Variants in MAD1L1 observed in about 807,000 individuals in gnomAD.
MAD1L1 encodes the protein mitotic spindle assembly checkpoint protein MAD1.
In MAD1L1, 95 loss-of-function variants were observed where a neutral mutation model predicts 96.9. The observed-to-expected ratio is 0.98, with a 90% CI of 0.83 to 1.16. MAD1L1 has a LOEUF of 1.16. Ranked by LOEUF, MAD1L1 falls within the 50% of genes most tolerant of loss-of-function variation. The probability of loss-of-function intolerance (pLI) is 0.00; values close to 1 mark genes in which losing one functional copy is unlikely to be tolerated. For synonymous variants in MAD1L1, 473 were observed against 396.6 expected, an observed-to-expected ratio of 1.19 and a Z score of -2.29; for missense variants, 1,007 against 954.4, an observed-to-expected ratio of 1.06 and a Z score of -0.73.
At chr7:2,153,932 T>C (rs1464854266) in intron 10 of MAD1L1, among the ~76,000 whole-genome samples, 1 of 151,864 alleles carries the variant, frequency 6.6e-6, no homozygotes, top group Non-Finnish European at 1.5e-5. Flanking sequence ...CCGAGGCAGG[T>C]GGATCAGGAG....
At chr7:1,906,635 TCATGC>T (rs1457782115) in intron 17 of MAD1L1, among the ~76,000 whole-genome samples, 1 of 152,236 alleles carries the variant, frequency 6.6e-6, no homozygotes, top group Non-Finnish European at 1.5e-5. Flanking sequence ...CAACTGGGCC[TCATGC>T]TGTTTCCCTG....
At chr7:1,836,418 T>C (rs1782940244) in intron 18 of MAD1L1, among the ~76,000 whole-genome samples, 1 of 152,178 alleles carries the variant, frequency 6.6e-6, no homozygotes. Flanking sequence ...GTGACTTGCA[T>C]CTTGTGCGGA....
At chr7:1,892,880 G>A (rs553834466) in intron 18 of MAD1L1, among the ~76,000 whole-genome samples, 1 of 152,284 alleles carries the variant, frequency 6.6e-6, no homozygotes, top group Admixed American at 6.5e-5. Flanking sequence ...TTTGCTCTGT[G>A]TCCCCGGCCT....
intron 3 of MAD1L1, among the ~76,000 whole-genome samples, chr7:2,226,073 C>G (rs1171149699): frequency 6.6e-6 from 1 of 152,216 alleles, no homozygotes; most frequent in East Asian, 1.9e-4. Flanking sequence ...TCTCCCTCAT[C>G]AAATCCCTCT....
chr7:1,981,577 G>A (rs1216117037), intron 14 of MAD1L1, among the ~76,000 whole-genome samples: 1 of 152,112 alleles, frequency 6.6e-6, no homozygotes, highest in Non-Finnish European at 1.5e-5. Context: ...GTTCCCACCA[G>A]TCCTGACCCA....
intron 11 of MAD1L1, among the ~76,000 whole-genome samples, chr7:2,081,188 A>G (rs1451687423): frequency 6.8e-6 from 1 of 146,992 alleles, no homozygotes; most frequent in Non-Finnish European, 1.5e-5. Flanking sequence ...TGGACAGACA[A>G]GCTGGGCCGG....
intron 16 of MAD1L1, among the ~76,000 whole-genome samples, chr7:1,943,640 G>A (rs1215461840): frequency 6.6e-6 from 1 of 152,110 alleles, no homozygotes; most frequent in Non-Finnish European, 1.5e-5. Context: ...GGATAAACTG[G>A]AACCCTGGTG....
At chr7:2,198,078 T>A (rs1318697306) in intron 10 of MAD1L1, among the ~76,000 whole-genome samples, 1 of 150,706 alleles carries the variant, frequency 6.6e-6, no homozygotes, top group African/African-American at 2.4e-5. Context: ...CCACCATGAG[T>A]TTGGGTTTTT....
chr7:2,016,282 G>A (rs975193545), intron 12 of MAD1L1, among the ~76,000 whole-genome samples: 18 of 152,188 alleles, frequency 1.2e-4, no homozygotes, highest in African/African-American at 3.9e-4. Flanking sequence ...TTGAGTTGTG[G>A]CCAGCGTGCT....
intron 10 of MAD1L1, among the ~76,000 whole-genome samples, chr7:2,161,676 C>G (rs1387054051): frequency 6.6e-6 from 1 of 151,964 alleles, no homozygotes; most frequent in East Asian, 1.9e-4. Context: ...CTCTGCCCGG[C>G]CGCCCATCGT....
chr7:1,863,895 T>G (rs1407681831), intron 18 of MAD1L1, among the ~76,000 whole-genome samples: 1 of 152,248 alleles, frequency 6.6e-6, no homozygotes, highest in Non-Finnish European at 1.5e-5. Context: ...AAGACCAGCC[T>G]GGCCAAGATG....
At chr7:1,936,565 A>T in intron 17 of MAD1L1, 122 bp downstream of exon 17, 1 of 1,027,508 alleles carries the variant, frequency 9.7e-7, no homozygotes, top group Non-Finnish European at 1.4e-6. Context: ...GGCTGCCCAC[A>T]GGGGAGGACA....
At chr7:1,859,496 C>T (rs965259271) in intron 18 of MAD1L1, among the ~76,000 whole-genome samples, 3 of 152,194 alleles carry the variant, frequency 2.0e-5, no homozygotes, top group Admixed American at 6.5e-5. Flanking sequence ...CGAGGCGGAG[C>T]GCATCCCACC....
chr7:2,000,469 A>G (rs1318014017), intron 14 of MAD1L1, among the ~76,000 whole-genome samples: 1 of 151,802 alleles, frequency 6.6e-6, no homozygotes, highest in Non-Finnish European at 1.5e-5. Flanking sequence ...TGGACTACCA[A>G]CCACCGCGGA....
chr7:1,931,564 T>A (rs2128461241), intron 17 of MAD1L1, among the ~76,000 whole-genome samples: 1 of 152,328 alleles, frequency 6.6e-6, no homozygotes, highest in East Asian at 1.9e-4. Context: ...GGAATACACA[T>A]TCTGTGGCTC....
intron 11 of MAD1L1, among the ~76,000 whole-genome samples, chr7:2,077,562 G>A (rs1411591806): frequency 6.6e-6 from 1 of 152,246 alleles, no homozygotes; most frequent in Non-Finnish European, 1.5e-5. Context: ...CAGGAAGAGA[G>A]CAAGTGCACG....
intron 11 of MAD1L1, among the ~76,000 whole-genome samples, chr7:2,133,964 G>C (rs1004682473): frequency 7.2e-5 from 11 of 152,186 alleles, no homozygotes; most frequent in African/African-American, 2.4e-4. Flanking sequence ...TTGAGGTCGG[G>C]GAGTGTCAGT....
At chr7:1,914,478 G>A (rs879755293) in intron 17 of MAD1L1, among the ~76,000 whole-genome samples, 19 of 152,366 alleles carry the variant, frequency 1.2e-4, no homozygotes, top group Middle Eastern at 3.4e-3. Flanking sequence ...CAAGGCACGT[G>A]GGTGCTTCTG....
intron 10 of MAD1L1, among the ~76,000 whole-genome samples, chr7:2,159,606 A>G (rs953294974): frequency 6.6e-6 from 1 of 152,306 alleles, no homozygotes; most frequent in Non-Finnish European, 1.5e-5. Context: ...CACTGGCCCA[A>G]TAATACGTTT....
Sources: allele counts gnomAD v4.1 joint callset (sites outside exome capture counted in the v4.1 genomes callset), GRCh38; gene constraint gnomAD v4.1.1; transcripts MANE v1.5; gene names NCBI Gene and HGNC (gene_info 2026-07-23, HGNC 2026-07-21).